Variants in EMSY observed in about 807,000 individuals in gnomAD.
EMSY encodes the protein EMSY transcriptional repressor, BRCA2 interacting.
In EMSY, 26 loss-of-function variants were observed where a neutral mutation model predicts 134.6. The ratio of observed to expected loss-of-function variants is 0.19; its 90% CI spans 0.14 to 0.27. The LOEUF is 0.27. Ranked by LOEUF, EMSY falls within the 10% of genes least tolerant of loss-of-function variation. The pLI is 1.00. For missense variants in EMSY, 1,305 were observed against 1,611.4 expected, an observed-to-expected ratio of 0.81 and a Z score of 3.26; for synonymous variants, 579 against 577.8, an observed-to-expected ratio of 1.00 and a Z score of -0.03.
chr11:76,534,901 G>T (rs1271052837), intron 14 of EMSY, among the ~76,000 whole-genome samples: 1 of 152,142 alleles, frequency 6.6e-6, no homozygotes, highest in Non-Finnish European at 1.5e-5. Context: ...AGTTTAGGAA[G>T]TTTGTAATAG....
At position 76,496,151 on chromosome 11, in the gene EMSY, A is replaced by C. The variant is rs193022338; in HGVS notation, c.1109-64A>C. On this transcript the variant is annotated intron_variant, in intron 8 of 20. Coordinates refer to ENST00000334736, the Ensembl canonical transcript of EMSY. ...CTTTAAACTATTATCTACTATAATA[A>C]CCAGAAGTAACTTTAATTTTGCTTT... 206 of 1,502,290 alleles carry C rather than the reference A, an allele frequency of 1.4e-4. No individual in the cohort carries two copies. The African/African-American group carries it at 2.6e-3, about 19-fold the overall frequency. The allele number at this position is 1,502,290 out of a possible 1,614,324, so 93.1% of individuals were successfully genotyped here.
At chr11:76,446,642 T>C (rs7925129) in intron 1 of EMSY, among the ~76,000 whole-genome samples, 149,703 of 152,284 alleles carry the variant, frequency 0.98, 73,612 homozygotes, top group African/African-American at 1. Context: ...AGCTTAGGCT[T>C]AACCAGTAAG....
downstream of EMSY, chr11:76,552,431 A>G (rs1349723363): frequency 6.6e-6 from 1 of 152,202 alleles, no homozygotes; most frequent in Non-Finnish European, 1.5e-5. Flanking sequence ...ATCTATTAGT[A>G]TTCCACATTT....
chr11:76,458,496 TC>T, intron 5 of EMSY, 138 bp downstream of exon 6: 5 of 892,288 alleles, frequency 5.6e-6, no homozygotes, highest in Non-Finnish European at 7.7e-6. Flanking sequence ...AAACTCTAAT[TC>T]TGAAATTAGA....
At chr11:76,474,357 G>C (rs1466657653) in intron 8 of EMSY, among the ~76,000 whole-genome samples, 1 of 151,968 alleles carries the variant, frequency 6.6e-6, no homozygotes, top group East Asian at 1.9e-4. Flanking sequence ...ATATAGAAGG[G>C]TACTTGGTAT....
chr11:76,474,320 T>C (rs1245990236), intron 8 of EMSY, among the ~76,000 whole-genome samples: 1 of 152,210 alleles, frequency 6.6e-6, no homozygotes, highest in Non-Finnish European at 1.5e-5. Flanking sequence ...CCCATATTTA[T>C]AGTCTGTCAA....
At chr11:76,515,843 TAGA>T (rs1004172821) in intron 10 of EMSY, among the ~76,000 whole-genome samples, 2 of 152,138 alleles carry the variant, frequency 1.3e-5, no homozygotes, top group Non-Finnish European at 2.9e-5. Context: ...ATAAAACTAG[TAGA>T]AGAAGGGTAG....
chr11:76,536,832 G>C (rs569103984), intron 15 of EMSY, among the ~76,000 whole-genome samples: 16 of 152,228 alleles, frequency 1.1e-4, no homozygotes, highest in Non-Finnish European at 1.6e-4. Context: ...TCATCTTTTG[G>C]TTCCTAGTTC....
intron 6 of EMSY, among the ~76,000 whole-genome samples, chr11:76,461,204 G>GT (rs1948103452): frequency 6.6e-6 from 1 of 152,038 alleles, no homozygotes; most frequent in African/African-American, 2.4e-5. Context: ...TTTTTGCTTT[G>GT]TTTTTCCTGT....
chr11:76,475,082 T>G (rs1276990626), intron 8 of EMSY, among the ~76,000 whole-genome samples: 2 of 152,156 alleles, frequency 1.3e-5, no homozygotes, highest in African/African-American at 4.8e-5. Context: ...AAAATAATTT[T>G]TATACAGAAA....
chr11:76,471,376 G>A (rs374980159), intron 7 of EMSY, among the ~76,000 whole-genome samples: 2 of 151,948 alleles, frequency 1.3e-5, no homozygotes, highest in Non-Finnish European at 2.9e-5. Context: ...TTTTACATTG[G>A]TGTGATACAT....
chr11:76,497,929 C>T (rs984980269), intron 9 of EMSY, among the ~76,000 whole-genome samples: 1 of 152,084 alleles, frequency 6.6e-6, no homozygotes, highest in African/African-American at 2.4e-5. Flanking sequence ...GACATACTCT[C>T]TTTTCTAATT....
At chr11:76,551,597 T>C (rs1258205543), downstream of EMSY, 1 of 152,564 alleles carries the variant, frequency 6.6e-6, no homozygotes, top group Non-Finnish European at 1.5e-5. Flanking sequence ...CTGGTGGTTG[T>C]CACTAGTTCT....
At chr11:76,472,753 T>C (rs1228210270) in exon 8 of EMSY, 1 of 1,614,212 alleles carries the variant, frequency 6.2e-7, no homozygotes, top group Admixed American at 1.7e-5. Context: ...CAGCAGCAGT[T>C]CTACACCATC....
intron 7 of EMSY, among the ~76,000 whole-genome samples, chr11:76,469,618 C>A (rs1259442946): frequency 1.3e-5 from 2 of 152,166 alleles, no homozygotes; most frequent in Admixed American, 1.3e-4. Context: ...ATATTGACAA[C>A]CTGCTGTGTG....
rs1213419657 is a variant in EMSY at position 76,502,332 on chromosome 11, G to C, written c.1363+5863G>C. Among the ~76,000 whole-genome samples, 2 of 22,040 alleles carry C rather than the reference G, an allele frequency of 9.1e-5. 1 individual carries two copies. The highest frequency in any genetic ancestry group is 2.5e-3 in the South Asian group (2 of 796). 14.5% of individuals were successfully genotyped at this position (22,040 alleles called of 152,430 possible). A position where few individuals can be genotyped will look rare whatever the true frequency, so the allele number is the denominator to read the frequency against. ...AAAAAGCATCCAGATTGAAACAGAA[G>C]AAACTCTACCCCGTTTACAGATGAC... On this transcript the variant is annotated intron_variant, in intron 9 of 20. Transcript: ENST00000334736.
At position 76,516,078 on chromosome 11, in the gene EMSY, G is replaced by C. The variant is rs541669137; in HGVS notation, c.1514-64G>C. 11 of 1,386,762 alleles carry C rather than the reference G, an allele frequency of 7.9e-6. No homozygotes were observed. In the South Asian group the frequency reaches 1.0e-4, roughly 13 times the overall value. 85.9% of individuals were successfully genotyped at this position (1,386,762 alleles called of 1,614,324 possible). A position where few individuals can be genotyped will look rare whatever the true frequency, so the allele number is the denominator to read the frequency against. On this transcript the variant is annotated intron_variant, in intron 10 of 20. Transcript: ENST00000334736. ...GATTATATGGAATTACAGTTAAACT[G>C]TATTAATTATCATTCTTCTGTAAGC...
At chr11:76,464,168 A>G (rs1948256361) in intron 7 of EMSY, 88 bp downstream of exon 8, 1 of 1,451,832 alleles carries the variant, frequency 6.9e-7, no homozygotes, top group Non-Finnish European at 9.5e-7. Flanking sequence ...AGTGCTTACT[A>G]TGTGCTTGGC....
rs931717629 is a variant in EMSY, at chr11:76,527,541, A to G, written c.1996-727A>G. ...TTTTTATTCCATGGACCCAATTGAA[A>G]TTAACTCCTAGAGTTCAGATTTTGA... On this transcript the variant is annotated intron_variant, in intron 13 of 20. Transcript: ENST00000334736. Among the ~76,000 whole-genome samples the G allele has an allele frequency of 2.0e-5, 3 of 152,274 alleles. 1 individual carries two copies. Among genetic ancestry groups the G allele is most frequent in the African/African-American group, 7.2e-5 (3 of 41,582 alleles).
Sources: allele counts gnomAD v4.1 joint callset (sites outside exome capture counted in the v4.1 genomes callset), GRCh38; gene constraint gnomAD v4.1.1; transcripts MANE v1.5; gene names NCBI Gene and HGNC (gene_info 2026-07-23, HGNC 2026-07-21).